Variants in DTNBP1 observed in about 807,000 individuals in gnomAD.
DTNBP1 encodes the protein dystrobrevin binding protein 1.
Under a neutral mutation model 42.8 loss-of-function variants are expected in DTNBP1, and 35 were observed. That is an observed-to-expected ratio of 0.82 (90% CI 0.63 to 1.09). The LOEUF is 1.09. Ranked by LOEUF, DTNBP1 falls within the 50% of genes least tolerant of loss-of-function variation. The probability of loss-of-function intolerance (pLI) is 0.00; values close to 1 mark genes in which losing one functional copy is unlikely to be tolerated. For synonymous variants in DTNBP1, 171 were observed against 162.2 expected (o/e 1.05, Z -0.41); for missense variants, 457 against 424.2 (o/e 1.08, Z -0.68).
chr6:15,617,783 CAT>C (rs920925216), intron 5 of DTNBP1, among the ~76,000 whole-genome samples: 1 of 152,000 alleles, frequency 6.6e-6, no homozygotes, highest in African/African-American at 2.4e-5. Context: ...TAGAAGAAAA[CAT>C]ATGGGAAACA....
chr6:15,566,873 G>C (rs1358611565), intron 7 of DTNBP1, among the ~76,000 whole-genome samples: 1 of 151,966 alleles, frequency 6.6e-6, no homozygotes, highest in African/African-American at 2.4e-5. Context: ...GCTAACTTTT[G>C]TACAGACGGG....
chr6:15,579,631 C>T (rs145812772), intron 7 of DTNBP1, among the ~76,000 whole-genome samples: 2,075 of 152,188 alleles, frequency 0.014, 50 homozygotes, highest in African/African-American at 0.047. Flanking sequence ...ATGGTGAAAC[C>T]CTGTCTCTAC....
Position 15,576,300 on chromosome 6 carries a change from A to G in DTNBP1, c.511+16759T>C, listed in dbSNP as rs182509109. ...CGCCCGGCTAATTTTTGTATTTTTT[A>G]TTAGTAGAGACAGGGTTTCACCATG... On this transcript the variant is annotated intron_variant, in intron 7 of 9. Coordinates refer to ENST00000344537, the MANE Select transcript of DTNBP1 (RefSeq NM_032122.5). 5.9e-3 allele frequency among the ~76,000 whole-genome samples: 892 copies of G among 151,428 alleles called. 3 individuals carry two copies. Among genetic ancestry groups the G allele is most frequent in the Non-Finnish European group, 0.011 (724 of 67,748 alleles).
intron 3 of DTNBP1, among the ~76,000 whole-genome samples, chr6:15,639,048 G>T (rs1043035821): frequency 1.3e-5 from 2 of 151,986 alleles, no homozygotes; most frequent in African/African-American, 2.4e-5. Context: ...AAAGACTAAA[G>T]AATTGTTCAA....
At chr6:15,603,112 A>C (rs1385987745) in intron 6 of DTNBP1, among the ~76,000 whole-genome samples, 1 of 152,264 alleles carries the variant, frequency 6.6e-6, no homozygotes, top group Non-Finnish European at 1.5e-5. Flanking sequence ...CAGACACTTT[A>C]GAGCAAAAAT....
At position 15,524,677 on chromosome 6, in the gene DTNBP1, T is replaced by C. The variant is rs757305528; in HGVS notation, c.668-8A>G. The C allele has an allele frequency of 9.1e-5, 146 of 1,612,042 alleles. No individual in the cohort carries two copies. The Admixed American group carries it at 2.3e-3, about 25-fold the overall frequency. On this transcript the variant is annotated splice_polypyrimidine_tract_variant and splice_region_variant and intron_variant, in intron 8 of 9. Transcript: ENST00000344537. Reference sequence around the variant, plus strand: ...ACATGCTGCCTATGGGCTCTGCGGATAGATCAACACGAGAAAGGACACGCT... The same window carrying C: ...ACATGCTGCCTATGGGCTCTGCGGACAGATCAACACGAGAAAGGACACGCT...
chr6:15,599,774 A>C (rs1402774510), intron 6 of DTNBP1, among the ~76,000 whole-genome samples: 4 of 152,212 alleles, frequency 2.6e-5, no homozygotes, highest in Non-Finnish European at 4.4e-5. Flanking sequence ...TGACTAGTCC[A>C]CAGCAACTAA....
chr6:15,609,066 T>C (rs536396084), intron 6 of DTNBP1, among the ~76,000 whole-genome samples: 20 of 152,298 alleles, frequency 1.3e-4, no homozygotes, highest in African/African-American at 4.8e-4. Context: ...ATGGGACTTA[T>C]GAATTATCTT....
rs554099877 is a variant in DTNBP1 at position 15,600,605 on chromosome 6, T to C, written c.489-7524A>G. Among the ~76,000 whole-genome samples, 6 of 152,276 alleles carry C rather than the reference T, an allele frequency of 3.9e-5. No homozygotes were observed. In the South Asian group the frequency reaches 1.2e-3, roughly 32 times the overall value. ...ACAGCAAGACTAATTAAGAGGCTAT[T>C]AGTGTAACTCAGGCTACAAAGACGT... On this transcript the variant is annotated intron_variant, in intron 6 of 9. Coordinates refer to ENST00000344537, the MANE Select transcript of DTNBP1 (RefSeq NM_032122.5).
At chr6:15,548,911 G>A (rs944072965) in intron 7 of DTNBP1, among the ~76,000 whole-genome samples, 2 of 152,122 alleles carry the variant, frequency 1.3e-5, no homozygotes, top group Non-Finnish European at 2.9e-5. Flanking sequence ...TCCTTCAGAT[G>A]TAAAATTTAA....
At chr6:15,593,020 T>A in intron 7 of DTNBP1, 39 bp downstream of exon 7, 1 of 1,566,494 alleles carries the variant, frequency 6.4e-7, no homozygotes, top group Non-Finnish European at 8.7e-7. Context: ...ACCAATGAAC[T>A]CTCAACTACT....
intron 8 of DTNBP1, among the ~76,000 whole-genome samples, chr6:15,532,860 C>T (rs971116516): frequency 4.0e-5 from 6 of 151,604 alleles, no homozygotes; most frequent in East Asian, 3.9e-4. Flanking sequence ...CCACCACGGC[C>T]GGCTAATTTT....
At chr6:15,572,928 C>T (rs1337294123) in intron 7 of DTNBP1, among the ~76,000 whole-genome samples, 2 of 152,028 alleles carry the variant, frequency 1.3e-5, no homozygotes, top group East Asian at 1.9e-4. Flanking sequence ...GACGAGGTCT[C>T]ACTCTGTTGC....
intron 7 of DTNBP1, among the ~76,000 whole-genome samples, chr6:15,564,619 G>A (rs1774989377): frequency 6.6e-6 from 1 of 152,066 alleles, no homozygotes; most frequent in South Asian, 2.1e-4. Flanking sequence ...TGTTGGCCAG[G>A]CTGGTATCGA....
At chr6:15,614,046 A>G (rs573680941) in intron 6 of DTNBP1, among the ~76,000 whole-genome samples, 94 of 152,140 alleles carry the variant, frequency 6.2e-4, no homozygotes, top group African/African-American at 2.2e-3. Flanking sequence ...CCCATTTTAA[A>G]TACTCTCCCC....
At chr6:15,625,080 G>A (rs1241313624) in intron 5 of DTNBP1, among the ~76,000 whole-genome samples, 1 of 152,060 alleles carries the variant, frequency 6.6e-6, no homozygotes, top group African/African-American at 2.4e-5. Context: ...GCTTATTCTA[G>A]GCCAACAAAT....
At chr6:15,589,397 TC>T (rs1776206023) in intron 7 of DTNBP1, among the ~76,000 whole-genome samples, 1 of 152,220 alleles carries the variant, frequency 6.6e-6, no homozygotes, top group Non-Finnish European at 1.5e-5. Flanking sequence ...ACGGGGTACC[TC>T]ACCTGTACCA....
chr6:15,577,384 C>T (rs564799301), intron 7 of DTNBP1, among the ~76,000 whole-genome samples: 34 of 152,290 alleles, frequency 2.2e-4, no homozygotes, highest in African/African-American at 7.5e-4. Context: ...GATGCCCGCA[C>T]GGCAGCCCAG....
chr6:15,544,724 C>T (rs1773776050), intron 7 of DTNBP1, among the ~76,000 whole-genome samples: 1 of 152,214 alleles, frequency 6.6e-6, no homozygotes, highest in African/African-American at 2.4e-5. Context: ...TAAGTGCATA[C>T]TGCAAATATT....
Sources: allele counts gnomAD v4.1 joint callset (sites outside exome capture counted in the v4.1 genomes callset), GRCh38; gene constraint gnomAD v4.1.1; transcripts MANE v1.5; gene names NCBI Gene and HGNC (gene_info 2026-07-23, HGNC 2026-07-21).